CDC73: variants seen among roughly 807,000 people sequenced by gnomAD.
CDC73 encodes the protein parafibromin.
A neutral mutation model predicts 83.7 loss-of-function variants in CDC73; 21 were observed. That is an observed-to-expected ratio of 0.25 (90% confidence interval 0.18 to 0.36). CDC73 has a LOEUF of 0.36. Ranked by LOEUF, CDC73 falls within the 10% of genes least tolerant of loss-of-function variation. The pLI is 1.00. For missense variants in CDC73, 342 were observed against 653.3 expected (o/e 0.52, Z 5.19); for synonymous variants, 224 against 212.9 (o/e 1.05, Z -0.45).
chr1:193,152,082 AT>A (rs1676123786), intron 9 of CDC73, among the ~76,000 whole-genome samples: 1 of 152,180 alleles, frequency 6.6e-6, no homozygotes, highest in Non-Finnish European at 1.5e-5. Context: ...GTAGTAAGTA[AT>A]TTGGGGTTAT....
At chr1:193,162,307 A>C (rs1483828907) in intron 10 of CDC73, among the ~76,000 whole-genome samples, 1 of 129,132 alleles carries the variant, frequency 7.7e-6, no homozygotes, top group African/African-American at 3.0e-5. Flanking sequence ...TATATACTAT[A>C]TATTATATAT....
At chr1:193,167,872 T>C (rs910100113) in intron 10 of CDC73, among the ~76,000 whole-genome samples, 42 of 152,096 alleles carry the variant, frequency 2.8e-4, no homozygotes, top group African/African-American at 1.0e-3. Context: ...TTTTTTGTTG[T>C]TTTTTTGAGA....
rs554050944 is a variant in CDC73 at position 193,201,244 on chromosome 1, G to C, written c.973-2551G>C. Among the ~76,000 whole-genome samples, 29 of 152,314 alleles carry C rather than the reference G, an allele frequency of 1.9e-4. No homozygotes were observed. The South Asian group carries it at 6.0e-3, about 32-fold the overall frequency. On this transcript the variant is annotated intron_variant, in intron 10 of 16. Transcript: ENST00000367435. The stretch of plus-strand genomic sequence containing the variant: ...TTTGATTCAACTGAGGCAAATGAAA[G>C]TGTGTGTGGGGTTTGTAGAGTGCTG...
chr1:193,145,788 G>A (rs1192964211), intron 7 of CDC73, among the ~76,000 whole-genome samples: 1 of 152,130 alleles, frequency 6.6e-6, no homozygotes, highest in Non-Finnish European at 1.5e-5. Context: ...TAATAGTTAT[G>A]TTTCAAGCAG....
In CDC73 at chr1:193,233,017, G is replaced by A. The variant is rs200738107; in HGVS notation, c.1179G>A (p.Lys393=). 1.4e-5 allele frequency: 22 copies of A among 1,613,700 alleles called. No homozygotes were observed. In the East Asian group the frequency reaches 4.2e-4, roughly 31 times the overall value. Residue 393 remains lysine (K), a synonymous_variant, in exon 14 of 17, where the codon AAG becomes AAA. Transcript: ENST00000367435. ...DLKFVPSDEK[K]KQGCQRENET... ...GATTTGTCCCATCAGATGAAAAGAA[G>A]AAACAAGGTTGTCAACGAGAAAATG...
intron 10 of CDC73, among the ~76,000 whole-genome samples, chr1:193,192,745 TAACTGGCCTTGCC>T (rs892685462): frequency 1.3e-5 from 2 of 152,182 alleles, no homozygotes; most frequent in African/African-American, 2.4e-5. Context: ...ACGTGCCAAC[TAACTGGCCTTGCC>T]GGCATTTATT....
chr1:193,194,217 A>T (rs561783209), intron 10 of CDC73, among the ~76,000 whole-genome samples: 1 of 152,314 alleles, frequency 6.6e-6, no homozygotes, highest in South Asian at 2.1e-4. Flanking sequence ...TTTCTAGTGA[A>T]AAGGTATTAT....
intron 10 of CDC73, among the ~76,000 whole-genome samples, chr1:193,153,860 C>T (rs1342103309): frequency 6.6e-6 from 1 of 152,134 alleles, no homozygotes; most frequent in East Asian, 1.9e-4. Context: ...AGAGATACTT[C>T]TCTCAGGAGG....
chr1:193,236,479 T>A (rs1307933123), intron 15 of CDC73, 123 bp downstream of exon 15: 1 of 713,294 alleles, frequency 1.4e-6, no homozygotes, highest in Non-Finnish European at 2.5e-6. Flanking sequence ...AAGTAACATA[T>A]GTTAATGTTT....
intron 10 of CDC73, among the ~76,000 whole-genome samples, chr1:193,192,658 A>T (rs968697953): frequency 6.6e-5 from 10 of 152,296 alleles, no homozygotes; most frequent in Non-Finnish European, 1.2e-4. Flanking sequence ...AGGCTGCACG[A>T]TGGATGAATA....
At chr1:193,131,816 C>G (rs1675699083) in intron 3 of CDC73, among the ~76,000 whole-genome samples, 2 of 152,180 alleles carry the variant, frequency 1.3e-5, no homozygotes, top group Admixed American at 6.5e-5. Context: ...TCAGAGAAGA[C>G]TTCTCTGACC....
chr1:193,149,269 G>C lies in CDC73; in HGVS notation c.829-1035G>C, dbSNP rs1019327101. 4.6e-5 allele frequency among the ~76,000 whole-genome samples: 7 copies of C among 152,080 alleles called. 1 individual carries two copies. In the South Asian group the frequency reaches 1.5e-3, roughly 32 times the overall value. On this transcript the variant is annotated intron_variant, in intron 8 of 16. Coordinates refer to ENST00000367435, the MANE Select transcript of CDC73 (RefSeq NM_024529.5). Reference sequence around the variant, plus strand: ...GAAGACAGTTTTTTCATGGACCAGGGGGAGGTTTTTGGAATGAAACTGTTC... The same window carrying C: ...GAAGACAGTTTTTTCATGGACCAGGCGGAGGTTTTTGGAATGAAACTGTTC...
chr1:193,204,425 G>A (rs1383888108), intron 11 of CDC73, among the ~76,000 whole-genome samples: 3 of 151,462 alleles, frequency 2.0e-5, no homozygotes, highest in African/African-American at 7.3e-5. Context: ...AAGTAGCTGG[G>A]ACTACAGGCG....
intron 15 of CDC73, among the ~76,000 whole-genome samples, chr1:193,248,865 G>T (rs569216691): frequency 1.2e-4 from 19 of 152,090 alleles, no homozygotes; most frequent in Admixed American, 4.6e-4. Flanking sequence ...AAAGAAAGTG[G>T]TTTTTTTGAG....
chr1:193,133,124 A>G (rs768310800), intron 3 of CDC73, among the ~76,000 whole-genome samples: 1 of 151,380 alleles, frequency 6.6e-6, no homozygotes, highest in Non-Finnish European at 1.5e-5. Flanking sequence ...GATGGTATCT[A>G]TCTCCTGACC....
chr1:193,237,648 C>T (rs1023247440), intron 15 of CDC73, among the ~76,000 whole-genome samples: 8 of 152,110 alleles, frequency 5.3e-5, no homozygotes, highest in African/African-American at 7.2e-5. Context: ...GTGGTGACCA[C>T]GTTAATTACC....
At chr1:193,229,887 T>G (rs1010976140) in intron 13 of CDC73, among the ~76,000 whole-genome samples, 11 of 152,172 alleles carry the variant, frequency 7.2e-5, no homozygotes, top group African/African-American at 2.7e-4. Context: ...GAGTGGTTGC[T>G]TGTTAGGAAG....
chr1:193,188,346 C>T (rs887390616), intron 10 of CDC73, among the ~76,000 whole-genome samples: 3 of 151,994 alleles, frequency 2.0e-5, no homozygotes, highest in African/African-American at 7.2e-5. Flanking sequence ...AAATTCTTAT[C>T]CTCTGTGTTT....
chr1:193,219,925 C>T (rs1406406018), intron 13 of CDC73, among the ~76,000 whole-genome samples: 1 of 152,102 alleles, frequency 6.6e-6, no homozygotes, highest in Non-Finnish European at 1.5e-5. Flanking sequence ...TTATTCTGGT[C>T]TTGATAGTAG....
Sources: allele counts gnomAD v4.1 joint callset (sites outside exome capture counted in the v4.1 genomes callset), GRCh38; gene constraint gnomAD v4.1.1; transcripts MANE v1.5; gene names NCBI Gene and HGNC (gene_info 2026-07-23, HGNC 2026-07-21).